The following SOX6 variants were observed in gnomAD, a reference collection of about 807,000 sequenced individuals.
SOX6 encodes transcription factor SOX-6.
SOX6 carries 11 observed loss-of-function variants against 97.8 expected under a neutral mutation model. That is an observed-to-expected ratio of 0.11 (90% confidence interval 0.07 to 0.19). The LOEUF (loss-of-function observed/expected upper bound fraction) is 0.19. SOX6 is among the 10% of genes least tolerant of loss of function. SOX6 has a pLI of 1.00. For missense variants in SOX6, 810 were observed against 1,039.5 expected (o/e 0.78, Z 3.04); for synonymous variants, 360 against 371.4 (o/e 0.97, Z 0.35).
At chr11:16,413,200 C>A (rs1325075304) in intron 1 of SOX6, among the ~76,000 whole-genome samples, 1 of 152,086 alleles carries the variant, frequency 6.6e-6, no homozygotes, top group Admixed American at 6.5e-5. Flanking sequence ...AAAAGGGGGA[C>A]AAAAAACACG....
chr11:16,258,893 CAT>C (rs1354513308), intron 3 of SOX6, among the ~76,000 whole-genome samples: 4 of 151,394 alleles, frequency 2.6e-5, no homozygotes, highest in African/African-American at 7.3e-5. Flanking sequence ...TATACACACA[CAT>C]ATATACATAT....
chr11:16,684,301 A>G (rs895782849), intron 3 of SOX6, among the ~76,000 whole-genome samples: 4 of 152,210 alleles, frequency 2.6e-5, no homozygotes, highest in African/African-American at 9.6e-5. Flanking sequence ...TTATGGCACT[A>G]ATCACAATAG....
chr11:16,415,071 G>C (rs959200140), intron 1 of SOX6, among the ~76,000 whole-genome samples: 4 of 151,998 alleles, frequency 2.6e-5, no homozygotes, highest in African/African-American at 9.7e-5. Flanking sequence ...CAAGATACAT[G>C]TTCTTTTTTC....
chr11:16,341,309 A>C, intron 1 of SOX6, 57 bp from the exon 2 acceptor site: 1 of 1,595,564 alleles, frequency 6.3e-7, no homozygotes, highest in Non-Finnish European at 8.5e-7. Context: ...ACCATAAACC[A>C]ATCCTTGCAT....
intron 12 of SOX6, among the ~76,000 whole-genome samples, chr11:16,031,789 G>C (rs1855382020): frequency 6.6e-6 from 1 of 152,014 alleles, no homozygotes; most frequent in Non-Finnish European, 1.5e-5. Flanking sequence ...TGGAAAGAGA[G>C]GGTAGGAAGG....
chr11:16,211,372 C>T (rs1852224461), intron 4 of SOX6, among the ~76,000 whole-genome samples: 1 of 150,952 alleles, frequency 6.6e-6, no homozygotes, highest in African/African-American at 2.4e-5. Flanking sequence ...GAGGCTTTTA[C>T]AATAATCCAA....
At chr11:16,637,326 T>C (rs1389616134) in intron 3 of SOX6, among the ~76,000 whole-genome samples, 1 of 152,182 alleles carries the variant, frequency 6.6e-6, no homozygotes, top group African/African-American at 2.4e-5. Flanking sequence ...GTTCCAACGA[T>C]TCTCCTGCCT....
At chr11:16,643,968 G>A in intron 3 of SOX6, among the ~76,000 whole-genome samples, 1 of 152,212 alleles carries the variant, frequency 6.6e-6, no homozygotes, top group Non-Finnish European at 1.5e-5. Context: ...TACCTCAGTT[G>A]GAAATGCAGA....
chr11:16,516,698 C>T (rs1860980100), intron 4 of SOX6, among the ~76,000 whole-genome samples: 1 of 148,240 alleles, frequency 6.7e-6, no homozygotes, highest in Admixed American at 6.8e-5. Flanking sequence ...AGCTTACCAA[C>T]CAAAAAGAGT....
chr11:16,594,684 C>CTTTTTTTTTTTTTTTTTTTTTT (rs10653599), intron 4 of SOX6, among the ~76,000 whole-genome samples: 1 of 68,266 alleles, frequency 1.5e-5, no homozygotes, highest in Non-Finnish European at 2.4e-5. Context: ...TCGGTTTTTG[C>CTTTTTTTTTTTTTTTTTTTTTT]TTTTTTTTTT....
chr11:16,570,350 T>C (rs1250912801), intron 4 of SOX6, among the ~76,000 whole-genome samples: 1 of 151,940 alleles, frequency 6.6e-6, no homozygotes, highest in South Asian at 2.1e-4. Context: ...TTAAACTTAA[T>C]ACAGGTAAAT....
intron 4 of SOX6, among the ~76,000 whole-genome samples, chr11:16,579,946 C>G (rs112366272): frequency 6.6e-6 from 1 of 152,106 alleles, no homozygotes; most frequent in Non-Finnish European, 1.5e-5. Context: ...CTCACCAACA[C>G]GCAAGGCATT....
At chr11:16,652,466 A>C (rs946070034) in intron 3 of SOX6, among the ~76,000 whole-genome samples, 1 of 152,106 alleles carries the variant, frequency 6.6e-6, no homozygotes, top group East Asian at 1.9e-4. Context: ...CAAGTACTTA[A>C]CAGACAACTG....
At chr11:16,569,643 GA>G (rs1215740334) in intron 4 of SOX6, among the ~76,000 whole-genome samples, 5 of 151,996 alleles carry the variant, frequency 3.3e-5, no homozygotes, top group African/African-American at 9.7e-5. Context: ...CTATTAAAAT[GA>G]TCACCTGAGG....
intron 13 of SOX6, among the ~76,000 whole-genome samples, chr11:15,996,776 GA>G (rs1259144547): frequency 1.3e-5 from 2 of 151,890 alleles, no homozygotes; most frequent in African/African-American, 4.8e-5. Flanking sequence ...TACAAGTAGT[GA>G]AAAAAATACT....
rs74593604 is a variant in SOX6 at position 16,560,546 on chromosome 11, C to CAT, written n.609+51533_609+51534dup. Among the ~76,000 whole-genome samples the CAT allele has an allele frequency of 7.6e-3, 294 of 38,808 alleles. 80 individuals are homozygous for CAT. The highest frequency in any genetic ancestry group is 0.036 in the South Asian group (16 of 448). 25.5% of individuals were successfully genotyped at this position (38,808 alleles called of 152,430 possible). On this transcript the variant is annotated intron_variant and non_coding_transcript_variant, in intron 4 of 5. Transcript: ENST00000524520. ...ATACGTACATATATGTTTATACGTA[C>CAT]ATATGTTTATACGTACATATATGTT...
chr11:16,537,447 C>G (rs772933793), intron 4 of SOX6, among the ~76,000 whole-genome samples: 3 of 152,098 alleles, frequency 2.0e-5, no homozygotes, highest in Non-Finnish European at 4.4e-5. Flanking sequence ...CTTGTCAGCA[C>G]TGGAACAAAA....
At chr11:16,732,552 G>A (rs1353745452) in intron 2 of SOX6, among the ~76,000 whole-genome samples, 1 of 152,112 alleles carries the variant, frequency 6.6e-6, no homozygotes, top group Non-Finnish European at 1.5e-5. Context: ...AACTGAAACT[G>A]GACCCCTTCC....
chr11:16,261,488 G>T (rs1230827498), intron 3 of SOX6, among the ~76,000 whole-genome samples: 1 of 151,958 alleles, frequency 6.6e-6, no homozygotes, highest in Admixed American at 6.6e-5. Context: ...AGGGAGTACT[G>T]GTAGTAGTAG....
Sources: allele counts gnomAD v4.1 joint callset (sites outside exome capture counted in the v4.1 genomes callset), GRCh38; gene constraint gnomAD v4.1.1; transcripts MANE v1.5; gene names NCBI Gene and HGNC (gene_info 2026-07-23, HGNC 2026-07-21).